The following TRAPPC9 variants were observed in gnomAD, a reference collection of about 807,000 sequenced individuals.
The protein encoded by TRAPPC9 is IKK2 binding protein.
Under a neutral mutation model 124.0 loss-of-function variants are expected in TRAPPC9, and 83 were observed. The ratio of observed to expected loss-of-function variants is 0.67; its 90% CI spans 0.56 to 0.80. The LOEUF (loss-of-function observed/expected upper bound fraction) is 0.80, where lower values mean the gene tolerates loss of function less well. Among genes scored for constraint, TRAPPC9 ranks in the 30% least tolerant of loss-of-function variants. The probability of loss-of-function intolerance (pLI) is 0.00; values close to 1 mark genes in which losing one functional copy is unlikely to be tolerated. For synonymous variants in TRAPPC9, 638 were observed against 617.5 expected, an observed-to-expected ratio of 1.03 and a Z score of -0.49; for missense variants, 1,302 against 1,508.3, an observed-to-expected ratio of 0.86 and a Z score of 2.27.
intron 21 of TRAPPC9, among the ~76,000 whole-genome samples, chr8:139,817,508 C>T (rs918868007): frequency 3.3e-5 from 5 of 152,214 alleles, no homozygotes; most frequent in African/African-American, 7.2e-5. Flanking sequence ...ATCGTCCTCA[C>T]GGCCCTCAAT....
At chr8:140,438,093 CACTA>C (rs1415071215) in intron 3 of TRAPPC9, among the ~76,000 whole-genome samples, 13 of 152,144 alleles carry the variant, frequency 8.5e-5, no homozygotes, top group Non-Finnish European at 8.8e-5. Context: ...CAACCATCAC[CACTA>C]ACTGACTCTG....
At chr8:140,371,923 G>A (rs938340780) in intron 7 of TRAPPC9, among the ~76,000 whole-genome samples, 4 of 152,108 alleles carry the variant, frequency 2.6e-5, no homozygotes, top group Non-Finnish European at 4.4e-5. Context: ...GGCTGGTCTC[G>A]AACTCCTGAC....
Position 140,241,349 on chromosome 8 carries a change from T to G in TRAPPC9, c.2431+11428A>C, listed in dbSNP as rs1268603289. On this transcript the variant is annotated intron_variant, in intron 16 of 22. Coordinates refer to ENST00000438773, the MANE Select transcript of TRAPPC9 (RefSeq NM_001160372.4). The surrounding 1 kb of genome is among the most constrained non-coding windows in gnomAD (Gnocchi z 5.0). ...TTGAACCCAGGAAGTTGTAGTGAGC[T>G]GAGATCACACCACTGCACTCCAGCC... is the stretch of plus-strand genomic sequence containing the variant. Among the ~76,000 whole-genome samples, 1 of 151,884 alleles carries G rather than the reference T, an allele frequency of 6.6e-6. No individual in the cohort carries two copies. Among genetic ancestry groups the G allele is most frequent in the Non-Finnish European group, 1.5e-5 (1 of 68,000 alleles).
chr8:139,947,861 T>C, intron 19 of TRAPPC9, among the ~76,000 whole-genome samples: 1 of 104,942 alleles, frequency 9.5e-6, no homozygotes, highest in African/African-American at 3.5e-5. Context: ...AGAGCAAAAT[T>C]CCGTCTCAAA....
intron 19 of TRAPPC9, among the ~76,000 whole-genome samples, chr8:139,957,366 C>T (rs561173665): frequency 2.6e-5 from 4 of 152,328 alleles, no homozygotes; most frequent in Admixed American, 1.3e-4. Context: ...CAACCTGTAT[C>T]GCTCTACGTG....
intron 17 of TRAPPC9, among the ~76,000 whole-genome samples, chr8:140,208,839 T>C (rs546654717): frequency 6.6e-6 from 1 of 152,288 alleles, no homozygotes; most frequent in South Asian, 2.1e-4. Flanking sequence ...GATTTTTTTT[T>C]CAACCAAAGG....
intron 3 of TRAPPC9, among the ~76,000 whole-genome samples, chr8:140,436,166 T>C (rs1588351842): frequency 6.6e-6 from 1 of 152,040 alleles, no homozygotes; most frequent in East Asian, 1.9e-4. Flanking sequence ...GCCAACATGG[T>C]GAAACCCTGA....
At chr8:139,805,659 A>G (rs1823996277) in intron 21 of TRAPPC9, among the ~76,000 whole-genome samples, 1 of 152,230 alleles carries the variant, frequency 6.6e-6, no homozygotes, top group Non-Finnish European at 1.5e-5. Context: ...ACCTTTCAAA[A>G]TGCAGAGTCC....
chr8:139,765,163 C>T (rs1233875559), intron 21 of TRAPPC9, among the ~76,000 whole-genome samples: 1 of 152,198 alleles, frequency 6.6e-6, no homozygotes, highest in African/African-American at 2.4e-5. Context: ...TGCCTGGTCC[C>T]CCCAAACACA....
Position 140,181,318 on chromosome 8 carries a change from T to G in TRAPPC9, c.2556+40141A>C, listed in dbSNP as rs542728359. 3.3e-5 allele frequency among the ~76,000 whole-genome samples: 5 copies of G among 152,324 alleles called. No homozygotes were observed. The South Asian group carries it at 1.0e-3, about 32-fold the overall frequency. On this transcript the variant is annotated intron_variant, in intron 17 of 22. Coordinates refer to ENST00000438773, the MANE Select transcript of TRAPPC9 (RefSeq NM_001160372.4). ...CTCTGTCACCCAGGATGGACTGCAG[T>G]GGTGTGATCTCAGCTCACTACAACT...
At chr8:139,881,489 G>A (rs532536842) in intron 21 of TRAPPC9, among the ~76,000 whole-genome samples, 60 of 152,216 alleles carry the variant, frequency 3.9e-4, no homozygotes, top group East Asian at 2.7e-3. Flanking sequence ...CTGCTGAAGC[G>A]GGAATTATGT....
chr8:140,301,238 C>A (rs942631903), intron 10 of TRAPPC9, among the ~76,000 whole-genome samples: 1 of 152,258 alleles, frequency 6.6e-6, no homozygotes, highest in African/African-American at 2.4e-5. Context: ...TCGCTTCCCA[C>A]AGTATCCCAG....
chr8:140,302,725 G>A lies in TRAPPC9; in HGVS notation c.1623-2111C>T, dbSNP rs576301476. 3 of 152,322 alleles carry A rather than the reference G, an allele frequency of 2.0e-5. No homozygotes were observed. The South Asian group carries it at 6.2e-4, about 32-fold the overall frequency. 9.4% of individuals were successfully genotyped at this position (152,322 alleles called of 1,614,324 possible). A position where few individuals can be genotyped will look rare whatever the true frequency, so the allele number is the denominator to read the frequency against. ...ATTTAATTCATCAATCTTATTCACA[G>A]GGAAACATATCCAAGAAGAGATGGG... is the stretch of plus-strand genomic sequence containing the variant. On this transcript the variant is annotated intron_variant, in intron 10 of 22. Coordinates refer to ENST00000438773, the MANE Select transcript of TRAPPC9 (RefSeq NM_001160372.4).
intron 17 of TRAPPC9, among the ~76,000 whole-genome samples, chr8:140,161,089 C>A (rs937213774): frequency 6.6e-6 from 1 of 152,096 alleles, no homozygotes; most frequent in African/African-American, 2.4e-5. Flanking sequence ...ACTGACAGAC[C>A]CTAGAGTTTG....
At chr8:140,395,022 G>A (rs888868570) in intron 7 of TRAPPC9, among the ~76,000 whole-genome samples, 1 of 152,134 alleles carries the variant, frequency 6.6e-6, no homozygotes, top group Non-Finnish European at 1.5e-5. Flanking sequence ...CGGCATCACT[G>A]GGGAGAACAC....
chr8:139,798,045 C>T (rs754057217), intron 21 of TRAPPC9, among the ~76,000 whole-genome samples: 16 of 152,200 alleles, frequency 1.1e-4, no homozygotes, highest in African/African-American at 4.8e-5. Flanking sequence ...AAGAAGCCAG[C>T]TGGGATTTTG....
At chr8:139,841,163 G>A (rs949929137) in intron 21 of TRAPPC9, among the ~76,000 whole-genome samples, 2 of 152,002 alleles carry the variant, frequency 1.3e-5, no homozygotes, top group Admixed American at 1.3e-4. Context: ...CCTCGCCCCC[G>A]GCTCCTTCTT....
chr8:140,012,098 C>A (rs1839176308), intron 18 of TRAPPC9, among the ~76,000 whole-genome samples: 1 of 152,226 alleles, frequency 6.6e-6, no homozygotes, highest in African/African-American at 2.4e-5. Context: ...GCGTGAGCCA[C>A]CGCGCCCGGC....
At chr8:139,866,022 G>A (rs990794863) in intron 21 of TRAPPC9, among the ~76,000 whole-genome samples, 62 of 152,292 alleles carry the variant, frequency 4.1e-4, no homozygotes, top group South Asian at 1.0e-3. Flanking sequence ...GGGACATGGG[G>A]GGCCTTCCAG....
Sources: gnomAD v4.1 joint callset for allele counts (sites outside exome capture counted in the v4.1 genomes callset) on GRCh38, gnomAD v4.1.1 for gene constraint, Gnocchi (gnomAD v3.1) non-coding constraint, MANE v1.5 for transcripts, NCBI Gene and HGNC (gene_info 2026-07-23, HGNC 2026-07-21) for gene names.